RPL23: variants seen among roughly 807,000 people sequenced by gnomAD.
RPL23 encodes the protein ribosomal protein L23.
For missense variants in RPL23, 79 were observed against 178.8 expected, an observed-to-expected ratio of 0.44 and a Z score of 3.18; for synonymous variants, 63 against 65.3, an observed-to-expected ratio of 0.97 and a Z score of 0.17.
At chr17:38,853,666 T>C (rs1188181305) in intron 1 of RPL23, 32 bp downstream of exon 1, 1 of 1,613,934 alleles carries the variant, frequency 6.2e-7, no homozygotes, top group African/African-American at 1.3e-5. Flanking sequence ...GCACGACAGA[T>C]GGTGGAGGAT....
At chr17:38,852,959 A>G in intron 2 of RPL23, 63 bp downstream of exon 2, 2 of 1,489,624 alleles carry the variant, frequency 1.3e-6, no homozygotes, top group Non-Finnish European at 1.9e-6. Flanking sequence ...TCAATAGGTC[A>G]TTAGCCACAG....
chr17:38,847,959 C>A lies in RPL23; in HGVS notation c.*2173G>T. ...GTGGCTCACACTTGTAATTGCAGCC[C>A]TTTGAAGGCCACAGCAGGAGGATTC... On this transcript the variant is annotated 3_prime_UTR_variant, in exon 5 of 5. Coordinates refer to ENST00000479035, the MANE Select transcript of RPL23 (RefSeq NM_000978.4). 1 of 1,548,756 alleles carries A rather than the reference C, an allele frequency of 6.5e-7. No individual in the cohort carries two copies. Among genetic ancestry groups the A allele is most frequent in the Non-Finnish European group, 8.7e-7 (1 of 1,146,178 alleles).
chr17:38,852,465 C>T, intron 3 of RPL23, 139 bp downstream of exon 3: 1 of 1,085,906 alleles, frequency 9.2e-7, no homozygotes, highest in Non-Finnish European at 1.3e-6. Flanking sequence ...ACAATATGAG[C>T]AAAAACTTAA....
Position 38,852,462 on chromosome 17 carries a change from G to A in RPL23, c.226+142C>T, listed in dbSNP as rs181412239. ...GATGGTCCCCCCTCCAACACAATAT[G>A]AGCAAAAACTTAAGATACTTATCTC... On this transcript the variant is annotated intron_variant, in intron 3 of 4. Coordinates refer to ENST00000479035, the MANE Select transcript of RPL23 (RefSeq NM_000978.4). The A allele has an allele frequency of 7.7e-5, 78 of 1,015,382 alleles. No individual in the cohort carries two copies. In the African/African-American group the frequency reaches 1.1e-3, roughly 15 times the overall value. The allele number at this position is 1,015,382 out of a possible 1,614,324, so 62.9% of individuals were successfully genotyped here. A position where few individuals can be genotyped will look rare whatever the true frequency, so the allele number is the denominator to read the frequency against.
At chr17:38,852,945 C>T (rs1913047576) in intron 2 of RPL23, 77 bp downstream of exon 2, 1 of 1,440,186 alleles carries the variant, frequency 6.9e-7, no homozygotes, top group Non-Finnish European at 9.8e-7. Context: ...CCTTTCTTGA[C>T]GGCTCAATAG....
At chr17:38,852,452 A>C (rs1913030565) in intron 3 of RPL23, 152 bp downstream of exon 3, 1 of 903,458 alleles carries the variant, frequency 1.1e-6, no homozygotes, top group Admixed American at 2.5e-5. Context: ...TCCCCCCTCC[A>C]ACACAATATG....
chr17:38,852,846 GT>G, intron 2 of RPL23, 114 bp from the exon 3 acceptor site: 3 of 1,507,266 alleles, frequency 2.0e-6, no homozygotes, highest in Middle Eastern at 1.7e-4. Flanking sequence ...TGCCCAAGCA[GT>G]TAGTCCGCAA....
chr17:38,850,392 C>T lies in RPL23; in HGVS notation c.310G>A (p.Val104Ile). 1.2e-6 allele frequency: 2 copies of T among 1,613,826 alleles called. No individual in the cohort carries two copies. Among genetic ancestry groups the T allele is most frequent in the Middle Eastern group, 1.7e-4 (1 of 5,882 alleles). ...ATCTCGCCTTTATTGTTCACTATGA[C>T]TCCTGCATTATCTTCAAAATAAAGA... ...VFLYFEDNAG[V>I]IVNNKGEMKG... is the part of the protein sequence containing the mutation. Residue 104 changes from valine (V) to isoleucine (I), a missense_variant, in exon 4 of 5, where the codon GTC becomes ATC. Val to Ile is a conservative substitution (Grantham distance 29, BLOSUM62 3). Transcript: ENST00000479035.
At position 38,848,775 on chromosome 17, in the gene RPL23, C is replaced by T. The variant is rs1567685810; in HGVS notation, c.*1357G>A. On this transcript the variant is annotated 3_prime_UTR_variant, in exon 5 of 5. Transcript: ENST00000479035. ...AGTCATGGAAGACACTAAGGGTAGT[C>T]CTTTTTGATACCAAGTGGAGCTTGT... is the stretch of plus-strand genomic sequence containing the variant. The T allele has an allele frequency of 6.6e-6, 1 of 152,026 alleles. No individual in the cohort carries two copies. The highest frequency in any genetic ancestry group is 2.0e-4 in the East Asian group (1 of 5,106). The allele number at this position is 152,026 out of a possible 1,614,324, so 9.4% of individuals were successfully genotyped here. A position where few individuals can be genotyped will look rare whatever the true frequency, so the allele number is the denominator to read the frequency against.
intron 3 of RPL23, 32 bp downstream of exon 3, chr17:38,852,572 T>G (rs1913034702): frequency 6.2e-7 from 1 of 1,610,554 alleles, no homozygotes; most frequent in African/African-American, 1.3e-5. Flanking sequence ...CCACTACTCA[T>G]CAGTATTAAG....
chr17:38,851,430 GA>G (rs2143679293), intron 3 of RPL23: 2 of 152,246 alleles, frequency 1.3e-5, no homozygotes, highest in South Asian at 4.2e-4. Context: ...AAGGGGAGGG[GA>G]TGTATTCATT....
In RPL23 at chr17:38,850,417, A is replaced by G; in HGVS notation, c.285T>C (p.Phe95=). The change falls in exon 4 of 5, where the codon TTT becomes TTC. Residue 95 remains phenylalanine, a synonymous_variant. Transcript: ENST00000479035. Reference sequence around the variant, plus strand: ...CTCCTGCATTATCTTCAAAATAAAGAAACACGCCATCTTTTCTACGGTATG... The same window carrying G: ...CTCCTGCATTATCTTCAAAATAAAGGAACACGCCATCTTTTCTACGGTATG... The part of the protein sequence containing the change: ...RKSYRRKDGV[F]LYFEDNAGVI... 3 of 1,613,978 alleles carry G rather than the reference A, an allele frequency of 1.9e-6. No homozygotes were observed. The highest frequency in any genetic ancestry group is 2.5e-6 in the Non-Finnish European group (3 of 1,180,020).
Position 38,852,638 on chromosome 17 carries a change from T to C in RPL23, c.192A>G (p.Thr64=). 1 of 1,612,894 alleles carries C rather than the reference T, an allele frequency of 6.2e-7. No individual in the cohort carries two copies. Among genetic ancestry groups the C allele is most frequent in the Non-Finnish European group, 8.5e-7 (1 of 1,180,040 alleles). Residue 64 remains threonine, a synonymous_variant, in exon 3 of 5, where the codon ACA becomes ACG. Transcript: ENST00000479035. ...TGAGCTCTGGTTTGCCTTTCTTGAC[T>C]GTGGCCATCACCATGTCACCCACAC... ...AAGVGDMVMA[T]VKKGKPELRK... is the part of the protein sequence containing the mutation.
rs191010322 is a variant in RPL23, at chr17:38,853,373, A to G, written c.14-268T>C. ...CTTGCTCTAACTTTCGCAAAACGCA[A>G]TTACTCCTGCAAGGCATAAAACCGC... is the stretch of plus-strand genomic sequence containing the variant. On this transcript the variant is annotated intron_variant, in intron 1 of 4. Transcript: ENST00000479035. The G allele has an allele frequency of 2.4e-4, 169 of 701,420 alleles. No individual in the cohort carries two copies. In the African/African-American group the frequency reaches 2.7e-3, roughly 11 times the overall value. 43.4% of individuals were successfully genotyped at this position (701,420 alleles called of 1,614,324 possible). A position where few individuals can be genotyped will look rare whatever the true frequency, so the allele number is the denominator to read the frequency against.
Position 38,847,973 on chromosome 17 carries a change from G to A in RPL23, c.*2159C>T. 6.5e-7 allele frequency: 1 copy of A among 1,550,056 alleles called. No individual in the cohort carries two copies. The highest frequency in any genetic ancestry group is 8.7e-7 in the Non-Finnish European group (1 of 1,146,746). ...TAATTGCAGCCCTTTGAAGGCCACA[G>A]CAGGAGGATTCCAAGTCCAGCAGTT... On this transcript the variant is annotated 3_prime_UTR_variant, in exon 5 of 5. Transcript: ENST00000479035.
chr17:38,850,606 G>T, intron 3 of RPL23, 131 bp from the exon 4 acceptor site: 1 of 658,042 alleles, frequency 1.5e-6, no homozygotes, highest in South Asian at 1.8e-5. Context: ...AATCTTCAAG[G>T]TGATCCTCCC....
chr17:38,852,576 T>C (rs1470482564), intron 3 of RPL23, 28 bp downstream of exon 3: 2 of 1,611,912 alleles, frequency 1.2e-6, no homozygotes, highest in South Asian at 1.1e-5. Flanking sequence ...TACTCATCAG[T>C]ATTAAGGTGG....
chr17:38,852,502 T>A, intron 3 of RPL23, 102 bp downstream of exon 3: 1 of 1,474,168 alleles, frequency 6.8e-7, no homozygotes, highest in Non-Finnish European at 9.3e-7. Flanking sequence ...TGCCTCTCAA[T>A]GGAAAACAAA....
At position 38,852,680 on chromosome 17, in the gene RPL23, G is replaced by A; in HGVS notation, c.150C>T (p.Asn50=). Residue 50 remains asparagine, a synonymous_variant, in exon 3 of 5, where the codon AAC becomes AAT. Coordinates refer to ENST00000479035, the MANE Select transcript of RPL23 (RefSeq NM_000978.4). ...ISVKGIKGRL[N]RLPAAGVGDM... ...CACCCACACCAGCAGCGGGAAGTCT[G>A]TTCAGCCGTCCCTTGATCCCCTTCA... is the stretch of plus-strand genomic sequence containing the variant. 6 of 1,613,860 alleles carry A rather than the reference G, an allele frequency of 3.7e-6. No individual in the cohort carries two copies. Among genetic ancestry groups the A allele is most frequent in the Non-Finnish European group, 5.1e-6 (6 of 1,180,036 alleles).
Sources: gnomAD v4.1 joint callset for allele counts on GRCh38, gnomAD v4.1.1 for gene constraint, MANE v1.5 for transcripts, NCBI Gene and HGNC (gene_info 2026-07-23, HGNC 2026-07-21) for gene names.